Variants in MFSD8 observed in about 807,000 individuals in gnomAD.
MFSD8 encodes the protein major facilitator superfamily domain-containing protein 8.
A neutral mutation model predicts 66.4 loss-of-function variants in MFSD8; 55 were observed. The observed-to-expected ratio is 0.83, with a 90% confidence interval of 0.67 to 1.04. MFSD8 has a LOEUF of 1.04. Among genes scored for constraint, MFSD8 ranks in the 50% least tolerant of loss-of-function variants. MFSD8 has a pLI of 0.00. For synonymous variants in MFSD8, 202 were observed against 212.8 expected, an observed-to-expected ratio of 0.95 and a Z score of 0.44; for missense variants, 550 against 627.6, an observed-to-expected ratio of 0.88 and a Z score of 1.32.
chr4:127,951,060 AAAAAAAAAGG>A (rs1016544786), intron 2 of MFSD8, among the ~76,000 whole-genome samples: 4 of 151,938 alleles, frequency 2.6e-5, no homozygotes, highest in African/African-American at 9.7e-5. Flanking sequence ...TCTGTCTCAA[AAAAAAAAAGG>A]AAAAAAAAGA....
In MFSD8 at chr4:127,920,103, A is replaced by G. The variant is rs1052675651; in HGVS notation, c.*527T>C. ...CAAGGTAGGATGTTAGGCACGCTAA[A>G]TGGAAAATATGTGTTATAATTTTTA... On this transcript the variant is annotated 3_prime_UTR_variant, in exon 12 of 12. Coordinates refer to ENST00000641686, the MANE Select transcript of MFSD8 (RefSeq NM_001371596.2). 1.2e-5 allele frequency: 2 copies of G among 161,120 alleles called. No individual in the cohort carries two copies. The highest frequency in any genetic ancestry group is 4.8e-5 in the African/African-American group (2 of 41,478). The allele number at this position is 161,120 out of a possible 1,614,324, so 10.0% of individuals were successfully genotyped here.
At position 127,943,391 on chromosome 4, in the gene MFSD8, T is replaced by A. The variant is rs1302008631; in HGVS notation, c.439+361A>T. The A allele has an allele frequency of 2.7e-5, 4 of 146,650 alleles. No homozygotes were observed. The East Asian group carries it at 5.8e-4, about 21-fold the overall frequency. The allele number at this position is 146,650 out of a possible 1,614,324, so 9.1% of individuals were successfully genotyped here. A position where few individuals can be genotyped will look rare whatever the true frequency, so the allele number is the denominator to read the frequency against. On this transcript the variant is annotated intron_variant, in intron 4 of 11. Coordinates refer to ENST00000641686, the MANE Select transcript of MFSD8 (RefSeq NM_001371596.2). ...GAATTGGATCTATTTTTGTTTTGGGTTTTTTTTTTTTTAGATGGAGGTCTC... is the reference window on the plus strand; with the variant it reads ...GAATTGGATCTATTTTTGTTTTGGGATTTTTTTTTTTTAGATGGAGGTCTC...
In MFSD8 at chr4:127,943,925, A is replaced by G; in HGVS notation, c.266T>C (p.Val89Ala). The change falls in exon 4 of 12, where the codon GTA (valine) becomes GCA (alanine). Residue 89 changes from valine to alanine, a missense_variant. Physicochemically the swap from Val to Ala is moderately conservative, Grantham distance 64. Transcript: ENST00000641686. ...VIASYSLGQM[V>A]ASPIFGLWSN... The stretch of plus-strand genomic sequence containing the variant: ...CCATAAACCAAATATAGGTGAAGCT[A>G]CCATTTGGCCAAGACTATATGAAGC... 1 of 1,614,206 alleles carries G rather than the reference A, an allele frequency of 6.2e-7. No homozygotes were observed. Among genetic ancestry groups the G allele is most frequent in the South Asian group, 1.1e-5 (1 of 91,086 alleles).
chr4:127,943,378 T>C, intron 4 of MFSD8: 1 of 233,494 alleles, frequency 4.3e-6, no homozygotes, highest in Non-Finnish European at 8.5e-6. Context: ...ATTGGATCTA[T>C]TTTTGTTTTG....
At chr4:127,963,074 C>A (rs924292792) in intron 1 of MFSD8, among the ~76,000 whole-genome samples, 2 of 152,068 alleles carry the variant, frequency 1.3e-5, no homozygotes, top group African/African-American at 4.8e-5. Flanking sequence ...TATACATTCC[C>A]GAGTCACTGC....
intron 9 of MFSD8, among the ~76,000 whole-genome samples, chr4:127,922,747 C>G (rs1034497562): frequency 6.6e-6 from 1 of 152,116 alleles, no homozygotes; most frequent in Non-Finnish European, 1.5e-5. Flanking sequence ...TCCTGCCTTT[C>G]CTATACAACT....
At chr4:127,956,288 G>C (rs921351806) in intron 2 of MFSD8, among the ~76,000 whole-genome samples, 5 of 151,374 alleles carry the variant, frequency 3.3e-5, no homozygotes, top group African/African-American at 1.2e-4. Flanking sequence ...GGCAGATCAC[G>C]AGGTCAGGAG....
chr4:127,958,463 T>G (rs1224832815), intron 1 of MFSD8, among the ~76,000 whole-genome samples: 1 of 152,152 alleles, frequency 6.6e-6, no homozygotes, highest in Non-Finnish European at 1.5e-5. Flanking sequence ...AGAAACTTTT[T>G]TTTTTCAAAC....
At chr4:127,922,709 G>A (rs981850494) in intron 9 of MFSD8, among the ~76,000 whole-genome samples, 1 of 152,016 alleles carries the variant, frequency 6.6e-6, no homozygotes, top group Non-Finnish European at 1.5e-5. Context: ...GGATGTTAGG[G>A]AAACAAAAGA....
At chr4:127,965,215 A>C, upstream of MFSD8, 1 of 1,564,950 alleles carries the variant, frequency 6.4e-7, no homozygotes, top group Non-Finnish European at 8.7e-7. Flanking sequence ...GAAGCTGGCA[A>C]AACAAGCCTG....
chr4:127,930,576 A>C lies in MFSD8; in HGVS notation c.998+107T>G, dbSNP rs527735713. ...CTTAATAAATTGTAAATTTGTGTGC[A>C]AAAAAAAGCTTTAAATTATTTTCCT... On this transcript the variant is annotated intron_variant, in intron 9 of 11. Coordinates refer to ENST00000641686, the MANE Select transcript of MFSD8 (RefSeq NM_001371596.2). The C allele has an allele frequency of 5.3e-5, 66 of 1,236,460 alleles. No homozygotes were observed. The East Asian group carries it at 1.5e-3, about 29-fold the overall frequency. The allele number at this position is 1,236,460 out of a possible 1,614,324, so 76.6% of individuals were successfully genotyped here. A position where few individuals can be genotyped will look rare whatever the true frequency, so the allele number is the denominator to read the frequency against.
chr4:127,924,614 T>A (rs912263323), intron 9 of MFSD8, among the ~76,000 whole-genome samples: 5 of 152,170 alleles, frequency 3.3e-5, no homozygotes, highest in Non-Finnish European at 5.9e-5. Context: ...TGGAAAAACA[T>A]TCCATGCTCA....
chr4:127,938,582 C>CAAAAA (rs1174151589), intron 7 of MFSD8, among the ~76,000 whole-genome samples: 5 of 110,530 alleles, frequency 4.5e-5, no homozygotes, highest in African/African-American at 1.1e-4. Context: ...AACTCTGTCT[C>CAAAAA]AAAAAAAAAA....
At chr4:127,925,107 A>T (rs1736974327) in intron 9 of MFSD8, among the ~76,000 whole-genome samples, 1 of 152,222 alleles carries the variant, frequency 6.6e-6, no homozygotes, top group South Asian at 2.1e-4. Context: ...AAGATCAAAG[A>T]CTTAAACATA....
At chr4:127,946,934 T>TA (rs567550563) in intron 3 of MFSD8, among the ~76,000 whole-genome samples, 4,136 of 139,906 alleles carry the variant, frequency 0.03, 158 homozygotes, top group African/African-American at 0.1. Flanking sequence ...CCACAAAAAT[T>TA]AAAAAAAAAA....
intron 2 of MFSD8, among the ~76,000 whole-genome samples, chr4:127,953,729 C>T (rs1020916087): frequency 1.3e-5 from 2 of 151,682 alleles, no homozygotes; most frequent in African/African-American, 4.8e-5. Flanking sequence ...GTGATCCGCC[C>T]GCCTCAGCCT....
At chr4:127,938,444 G>A (rs549070468) in intron 7 of MFSD8, among the ~76,000 whole-genome samples, 26 of 152,002 alleles carry the variant, frequency 1.7e-4, no homozygotes, top group South Asian at 4.2e-4. Flanking sequence ...TTAGCCAGGC[G>A]TGGCGGCATG....
intron 7 of MFSD8, chr4:127,934,580 T>C (rs1194576577): frequency 6.6e-6 from 1 of 151,358 alleles, no homozygotes; most frequent in African/African-American, 2.4e-5. Context: ...GGTATTTTTT[T>C]TTTTTTTTTT....
chr4:127,960,804 A>G (rs1743614925), intron 1 of MFSD8, among the ~76,000 whole-genome samples: 1 of 152,168 alleles, frequency 6.6e-6, no homozygotes, highest in Admixed American at 6.5e-5. Flanking sequence ...ACCAACTCTG[A>G]AGTGCAATTA....
Sources: gnomAD v4.1 joint callset for allele counts (sites outside exome capture counted in the v4.1 genomes callset) on GRCh38, gnomAD v4.1.1 for gene constraint, MANE v1.5 for transcripts, NCBI Gene and HGNC (gene_info 2026-07-23, HGNC 2026-07-21) for gene names.